The following LIPK variants were observed in gnomAD, a reference collection of about 807,000 sequenced individuals.
The protein encoded by LIPK is lipase family member K.
Under a neutral mutation model 48.6 loss-of-function variants are expected in LIPK, and 32 were observed. The observed-to-expected ratio is 0.66, with a 90% confidence interval of 0.50 to 0.88. LIPK has a LOEUF of 0.88. LIPK is among the 40% of genes least tolerant of loss of function. LIPK has a pLI of 0.00. For missense variants in LIPK, 507 were observed against 478.5 expected, an observed-to-expected ratio of 1.06 and a Z score of -0.56; for synonymous variants, 164 against 157.4, an observed-to-expected ratio of 1.04 and a Z score of -0.32.
At chr10:88,712,354 A>G (rs1350571001) in intron 1 of LIPK, among the ~76,000 whole-genome samples, 4 of 152,196 alleles carry the variant, frequency 2.6e-5, no homozygotes, top group African/African-American at 7.2e-5. Context: ...AAAACTAGCT[A>G]TGACAGCAAC....
At chr10:88,724,899 A>G (rs914896303) in intron 2 of LIPK, among the ~76,000 whole-genome samples, 4 of 152,216 alleles carry the variant, frequency 2.6e-5, no homozygotes, top group Non-Finnish European at 4.4e-5. Context: ...GAGAAGTTTC[A>G]TGACTTAATA....
At chr10:88,722,815 C>A (rs2134710756) in intron 1 of LIPK, among the ~76,000 whole-genome samples, 1 of 151,748 alleles carries the variant, frequency 6.6e-6, no homozygotes, top group East Asian at 1.9e-4. Context: ...TTTGTAAGAC[C>A]CAGTTTTATT....
chr10:88,720,284 T>C (rs1842197792), intron 1 of LIPK, among the ~76,000 whole-genome samples: 1 of 152,056 alleles, frequency 6.6e-6, no homozygotes, highest in African/African-American at 2.4e-5. Flanking sequence ...TTTTTTGGTA[T>C]AGTAAATAGA....
chr10:88,730,353 G>A (rs2077794765), intron 3 of LIPK, among the ~76,000 whole-genome samples: 1 of 151,978 alleles, frequency 6.6e-6, no homozygotes, highest in Admixed American at 6.5e-5. Flanking sequence ...GCAGTGTGGC[G>A]ATCTCGGCTC....
At chr10:88,727,092 T>C (rs938369351) in intron 3 of LIPK, among the ~76,000 whole-genome samples, 180 bp downstream of exon 3, 1 of 152,234 alleles carries the variant, frequency 6.6e-6, no homozygotes, top group African/African-American at 2.4e-5. Flanking sequence ...AAGTCACTTT[T>C]ACATACACTG....
At chr10:88,747,782 A>G (rs1211251200) in intron 9 of LIPK, among the ~76,000 whole-genome samples, 1 of 152,188 alleles carries the variant, frequency 6.6e-6, no homozygotes, top group Non-Finnish European at 1.5e-5. Flanking sequence ...GCTGTGGAGA[A>G]ATAGGAACAC....
Position 88,740,054 on chromosome 10 carries a change from T to C in LIPK, c.875T>C (p.Leu292Pro). Residue 292 changes from leucine to proline, a missense_variant, in exon 8 of 10, where the codon CTG (leucine) becomes CCG (proline). Coordinates refer to ENST00000404190, the MANE Select transcript of LIPK (RefSeq NM_001080518.2). ...NPAGTSVQNM[L>P]HWAQAVNSGQ... ...GCGGGAACATCTGTTCAGAATATGC[T>C]GCACTGGGCTCAGGTAAGTGCTTCT... is the stretch of plus-strand genomic sequence containing the variant. 1.2e-6 allele frequency: 2 copies of C among 1,610,828 alleles called. No homozygotes were observed. Among genetic ancestry groups the C allele is most frequent in the Non-Finnish European group, 1.7e-6 (2 of 1,177,852 alleles).
Position 88,732,464 on chromosome 10 carries a change from A to T in LIPK, c.582A>T (p.Ile194=). The change falls in exon 6 of 10, where the codon ATA becomes ATT. Residue 194 remains isoleucine, a synonymous_variant. Coordinates refer to ENST00000404190, the MANE Select transcript of LIPK (RefSeq NM_001080518.2). Reference sequence around the variant, plus strand: ...CAGAACTGGCTAAAAAGATTAAGATATTTTTTGCACTGGCTCCAGTTGTCA... The same window carrying T: ...CAGAACTGGCTAAAAAGATTAAGATTTTTTTTGCACTGGCTCCAGTTGTCA... ...TNPELAKKIK[I]FFALAPVVTV... is the part of the protein sequence containing the mutation. 2.5e-6 allele frequency: 4 copies of T among 1,613,688 alleles called. No individual in the cohort carries two copies. Among genetic ancestry groups the T allele is most frequent in the Admixed American group, 3.3e-5 (2 of 59,982 alleles).
At position 88,730,972 on chromosome 10, in the gene LIPK, G is replaced by C; in HGVS notation, c.224-11G>C. On this transcript the variant is annotated splice_polypyrimidine_tract_variant and intron_variant, in intron 3 of 9. Transcript: ENST00000404190. ...TTCAAATATGAAATTCTTGTTGCCT[G>C]TGTTTTGCAGCTCCAAAGCCTGCTG... 1.3e-6 allele frequency: 2 copies of C among 1,551,580 alleles called. No individual in the cohort carries two copies. Among genetic ancestry groups the C allele is most frequent in the Non-Finnish European group, 1.7e-6 (2 of 1,151,958 alleles).
chr10:88,740,213 A>T, intron 8 of LIPK, 146 bp downstream of exon 8: 1 of 458,262 alleles, frequency 2.2e-6, no homozygotes. Flanking sequence ...CTTCATTTTT[A>T]TTTACTTCAT....
At chr10:88,731,630 T>C (rs922673247) in intron 4 of LIPK, among the ~76,000 whole-genome samples, 1 of 152,232 alleles carries the variant, frequency 6.6e-6, no homozygotes, top group African/African-American at 2.4e-5. Context: ...TTGCCTGCCT[T>C]CTTTCTGGAA....
intron 2 of LIPK, 147 bp from the exon 3 acceptor site, chr10:88,726,648 C>T (rs1842348188): frequency 3.4e-6 from 2 of 594,286 alleles, no homozygotes; most frequent in Admixed American, 3.0e-5. Flanking sequence ...GAGCCAAGAT[C>T]ACACCACTGC....
At position 88,730,999 on chromosome 10, in the gene LIPK, G is replaced by A. The variant is rs751822400; in HGVS notation, c.240G>A (p.Val80=). 8.8e-6 allele frequency: 14 copies of A among 1,587,832 alleles called. No homozygotes were observed. The East Asian group carries it at 2.7e-4, about 31-fold the overall frequency. Residue 80 remains valine (V), a synonymous_variant, in exon 4 of 10, where the codon GTG becomes GTA. Transcript: ENST00000404190. ...CPGRTAPKPA[V]YLQHGLIASA... The stretch of plus-strand genomic sequence containing the variant: ...GTTTTGCAGCTCCAAAGCCTGCTGT[G>A]TATTTGCAGCATGGCTTAATTGCAT...
chr10:88,743,958 T>C (rs1842726908), intron 9 of LIPK, among the ~76,000 whole-genome samples: 1 of 152,190 alleles, frequency 6.6e-6, no homozygotes, highest in Admixed American at 6.5e-5. Flanking sequence ...CTCTTGCCTG[T>C]GCAAAGCCCA....
chr10:88,752,740 A>G lies in LIPK; in HGVS notation c.1184A>G (p.Glu395Gly), dbSNP rs1294356335. 1.3e-6 allele frequency: 2 copies of G among 1,547,220 alleles called. No individual in the cohort carries two copies. Among genetic ancestry groups the G allele is most frequent in the Non-Finnish European group, 8.8e-7 (1 of 1,140,572 alleles). The change falls in exon 10 of 10, where the codon GAA becomes GGA. Residue 395 changes from glutamate to glycine, a missense_variant. Glu to Gly is a moderately conservative substitution (Grantham distance 98). Coordinates refer to ENST00000404190, the MANE Select transcript of LIPK (RefSeq NM_001080518.2). ...CAAGACCTAATTATATTGATGGAAG[A>G]ATATTTACAAAATTAAATGCACTTT... ...IYQDLIILME[E>G]YLQN
At chr10:88,734,946 T>G (rs1842542292) in intron 6 of LIPK, among the ~76,000 whole-genome samples, 1 of 152,082 alleles carries the variant, frequency 6.6e-6, no homozygotes, top group Non-Finnish European at 1.5e-5. Flanking sequence ...TATGGGAGCT[T>G]CTGGACTGAG....
intron 2 of LIPK, 85 bp downstream of exon 2, chr10:88,724,733 GT>G: frequency 1.1e-6 from 1 of 890,044 alleles, no homozygotes; most frequent in Non-Finnish European, 1.7e-6. Flanking sequence ...TGCCTTCTTA[GT>G]TTTCAGCAAT....
At chr10:88,720,668 T>C (rs1029003830) in intron 1 of LIPK, among the ~76,000 whole-genome samples, 1 of 151,390 alleles carries the variant, frequency 6.6e-6, no homozygotes, top group African/African-American at 2.4e-5. Context: ...TCCAGATACA[T>C]GTGTGTGTAT....
intron 3 of LIPK, among the ~76,000 whole-genome samples, chr10:88,729,946 ACTT>A (rs986569051): frequency 6.6e-6 from 1 of 152,078 alleles, no homozygotes; most frequent in African/African-American, 2.4e-5. Context: ...ACACTTTCTC[ACTT>A]CTTTCTTTTT....
Sources: allele counts gnomAD v4.1 joint callset (sites outside exome capture counted in the v4.1 genomes callset), GRCh38; gene constraint gnomAD v4.1.1; transcripts MANE v1.5; gene names NCBI Gene and HGNC (gene_info 2026-07-23, HGNC 2026-07-21).